FBXW10: variants seen among roughly 807,000 people sequenced by gnomAD.
FBXW10 encodes the protein F-box and WD repeat domain containing 10, also known as F-box/WD repeat-containing protein 10.
FBXW10 carries 68 observed loss-of-function variants against 113.1 expected under a neutral mutation model. The observed-to-expected ratio is 0.60, with a 90% CI of 0.49 to 0.74. The LOEUF (loss-of-function observed/expected upper bound fraction) is 0.74, where lower values mean the gene tolerates loss of function less well. FBXW10 is among the 30% of genes least tolerant of loss of function. The pLI, the probability that FBXW10 is intolerant of heterozygous loss-of-function variation, is 0.00. For missense variants in FBXW10, 753 were observed against 1,284.5 expected (o/e 0.59, Z 6.32); for synonymous variants, 289 against 481.6 (o/e 0.60, Z 5.24).
chr17:18,770,846 T>A (rs985145681), intron 11 of FBXW10, among the ~76,000 whole-genome samples: 8 of 152,116 alleles, frequency 5.3e-5, no homozygotes, highest in African/African-American at 1.9e-4. Flanking sequence ...CTGGTGAGCT[T>A]ACAAAACCAG....
chr17:18,749,901 C>T lies in FBXW10; in HGVS notation c.850C>T (p.His284Tyr), dbSNP rs2035125644. The change falls in exon 3 of 14, where the codon CAC (histidine) becomes TAC (tyrosine). Residue 284 changes from histidine to tyrosine, a missense_variant. Physicochemically the swap from His to Tyr is moderately conservative, Grantham distance 83 (BLOSUM62 2). Coordinates refer to ENST00000395665, the MANE Select transcript of FBXW10 (RefSeq NM_001267585.2). ...YRDFIRYLPI[H>Y]LSKYILRMLD... ...AGACTTCATCCGTTACCTGCCCATCCACCTCTCCAAGTACATTCTAAGTAT... is the reference window on the plus strand; with the variant it reads ...AGACTTCATCCGTTACCTGCCCATCTACCTCTCCAAGTACATTCTAAGTAT... 1 of 1,613,774 alleles carries T rather than the reference C, an allele frequency of 6.2e-7. No homozygotes were observed. The highest frequency in any genetic ancestry group is 1.7e-5 in the Admixed American group (1 of 59,956).
chr17:18,760,165 A>G, intron 7 of FBXW10, among the ~76,000 whole-genome samples: 1 of 152,208 alleles, frequency 6.6e-6, no homozygotes, highest in East Asian at 1.9e-4. Context: ...TGTCAATCTG[A>G]TGGGTATTAA....
intron 7 of FBXW10, among the ~76,000 whole-genome samples, chr17:18,764,133 AC>A (rs2035439801): frequency 6.9e-6 from 1 of 145,916 alleles, no homozygotes; most frequent in Non-Finnish European, 1.5e-5. Flanking sequence ...GGTAGAAGTT[AC>A]CCAAGATTGA....
At chr17:18,751,800 G>A (rs1410129827) in intron 5 of FBXW10, among the ~76,000 whole-genome samples, 32 of 152,150 alleles carry the variant, frequency 2.1e-4, no homozygotes, top group Admixed American at 1.8e-3. Flanking sequence ...AGACGAATTC[G>A]GCTCCCTCAT....
chr17:18,766,967 C>T (rs1216238701), intron 9 of FBXW10, 105 bp downstream of exon 9: 1 of 1,140,194 alleles, frequency 8.8e-7, no homozygotes, highest in Non-Finnish European at 1.3e-6. Context: ...TGAGTATGAC[C>T]TTCAAGAAGG....
chr17:18,745,665 C>T (rs191337818), intron 1 of FBXW10, among the ~76,000 whole-genome samples: 3,406 of 152,228 alleles, frequency 0.022, 155 homozygotes, highest in African/African-American at 0.077. Flanking sequence ...CCGCCTGCCT[C>T]GGCCTCCCAA....
intron 7 of FBXW10, among the ~76,000 whole-genome samples, chr17:18,759,901 C>T (rs572270058): frequency 6.6e-6 from 1 of 152,224 alleles, no homozygotes; most frequent in East Asian, 1.9e-4. Context: ...AGGTGTGAGC[C>T]ACCGCGCCGG....
chr17:18,747,427 G>A (rs139181456), intron 1 of FBXW10, among the ~76,000 whole-genome samples: 11,530 of 152,082 alleles, frequency 0.076, 493 homozygotes, highest in South Asian at 0.12. Context: ...CAGGTGTCAT[G>A]CACTTGTAAT....
intron 1 of FBXW10, 32 bp from the exon 2 acceptor site, chr17:18,747,909 G>A: frequency 6.2e-7 from 1 of 1,613,720 alleles, no homozygotes; most frequent in East Asian, 2.2e-5. Flanking sequence ...CCCGCTTCAA[G>A]AGCAACCTTG....
Position 18,769,930 on chromosome 17 carries a change from G to T in FBXW10, c.1851G>T (p.Glu617Asp), listed in dbSNP as rs370227023. 2.4e-5 allele frequency: 38 copies of T among 1,614,058 alleles called. No homozygotes were observed. Among genetic ancestry groups the T allele is most frequent in the Non-Finnish European group, 2.9e-5 (34 of 1,180,040 alleles). The stretch of plus-strand genomic sequence containing the variant: ...CTGCTACTCTGTTCCCTTCCAGGGA[G>T]GTGCTCGACGTGTCCCTTCTCTTCC... ...RCLMAFKHPK[E>D]VLDVSLLFLR... Residue 617 changes from glutamate (E) to aspartate (D), a missense_variant, in exon 11 of 14, where the codon GAG (glutamate) becomes GAT (aspartate). By Grantham distance (45) the Glu-to-Asp change is conservative (BLOSUM62 2). Coordinates refer to ENST00000395665, the MANE Select transcript of FBXW10 (RefSeq NM_001267585.2).
At chr17:18,756,240 A>C (rs1201724853) in intron 6 of FBXW10, 86 bp downstream of exon 6, 8 of 1,289,516 alleles carry the variant, frequency 6.2e-6, no homozygotes, top group Non-Finnish European at 8.8e-6. Context: ...CTTTGTGTAC[A>C]TGGAAAGGCA....
intron 13 of FBXW10, among the ~76,000 whole-genome samples, chr17:18,777,558 T>G (rs2035725243): frequency 6.6e-6 from 1 of 151,886 alleles, no homozygotes; most frequent in Non-Finnish European, 1.5e-5. Context: ...CTTTTTTTTT[T>G]TTTGAGACTG....
intron 6 of FBXW10, 146 bp from the exon 7 acceptor site, chr17:18,758,159 G>C (rs1172509566): frequency 2.7e-6 from 4 of 1,459,130 alleles, no homozygotes; most frequent in Middle Eastern, 2.4e-4. Context: ...GTTAATTCTC[G>C]ACCTTGCCTT....
chr17:18,777,916 G>C lies in FBXW10; in HGVS notation c.2336-559G>C, dbSNP rs1194220638. Reference sequence around the variant, plus strand: ...TGCATTCAAAATATGCTCACTTAGAGGCTAATATACTCTTTACTCAATACT... The same window carrying C: ...TGCATTCAAAATATGCTCACTTAGACGCTAATATACTCTTTACTCAATACT... On this transcript the variant is annotated intron_variant, in intron 13 of 13. Transcript: ENST00000395665. 7.2e-5 allele frequency among the ~76,000 whole-genome samples: 11 copies of C among 151,926 alleles called. No homozygotes were observed. The South Asian group carries it at 1.5e-3, about 20-fold the overall frequency.
Position 18,778,762 on chromosome 17 carries a change from C to T in FBXW10, c.2623C>T (p.Pro875Ser). 1 of 1,613,718 alleles carries T rather than the reference C, an allele frequency of 6.2e-7. No individual in the cohort carries two copies. The highest frequency in any genetic ancestry group is 1.7e-5 in the Admixed American group (1 of 59,988). ...RAVDRLRLSN[P>S]PIDVKRTSIP... ...AGTTGATCGGTTGAGATTGAGCAAT[C>T]CTCCTATAGATGTGAAACGAACCAG... Residue 875 changes from proline to serine, a missense_variant, in exon 14 of 14, where the codon CCT becomes TCT. Coordinates refer to ENST00000395665, the MANE Select transcript of FBXW10 (RefSeq NM_001267585.2).
intron 6 of FBXW10, among the ~76,000 whole-genome samples, chr17:18,757,881 T>A (rs993744362): frequency 3.9e-5 from 6 of 152,234 alleles, no homozygotes; most frequent in Non-Finnish European, 7.3e-5. Context: ...ACCTAATATA[T>A]GCTCACTGGA....
intron 7 of FBXW10, among the ~76,000 whole-genome samples, chr17:18,759,248 A>G (rs1459001243): frequency 2.6e-5 from 4 of 152,140 alleles, no homozygotes; most frequent in Non-Finnish European, 5.9e-5. Context: ...GAAATAAGAT[A>G]CCACCATTCC....
At chr17:18,748,408 C>CAAAA (rs57336039) in intron 2 of FBXW10, among the ~76,000 whole-genome samples, 643 of 51,074 alleles carry the variant, frequency 0.013, no homozygotes, top group African/African-American at 0.027. Context: ...GAGACTGTCT[C>CAAAA]AAAAAAAAAA....
At chr17:18,762,574 G>A (rs1056791555) in intron 7 of FBXW10, among the ~76,000 whole-genome samples, 3 of 151,220 alleles carry the variant, frequency 2.0e-5, no homozygotes, top group Non-Finnish European at 2.9e-5. Flanking sequence ...TGCCCACCTC[G>A]GCCTACCAAA....
Sources: allele counts gnomAD v4.1 joint callset (sites outside exome capture counted in the v4.1 genomes callset), GRCh38; gene constraint gnomAD v4.1.1; transcripts MANE v1.5; gene names NCBI Gene and HGNC (gene_info 2026-07-23, HGNC 2026-07-21).